The following MRTFA variants were observed in gnomAD, a reference collection of about 807,000 sequenced individuals.
MRTFA encodes the protein myocardin-related transcription factor A.
A neutral mutation model predicts 83.5 loss-of-function variants in MRTFA; 20 were observed. That is an observed-to-expected ratio of 0.24 (90% confidence interval 0.17 to 0.35). The LOEUF (loss-of-function observed/expected upper bound fraction) is 0.35, where lower values mean the gene tolerates loss of function less well. Among genes scored for constraint, MRTFA ranks in the 10% least tolerant of loss-of-function variants. The pLI, the probability that MRTFA is intolerant of heterozygous loss-of-function variation, is 1.00. For missense variants in MRTFA, 1,200 were observed against 1,224.7 expected, an observed-to-expected ratio of 0.98 and a Z score of 0.30; for synonymous variants, 659 against 541.2, an observed-to-expected ratio of 1.22 and a Z score of -3.02.
At chr22:40,429,134 T>C (rs1468534518) in intron 7 of MRTFA, among the ~76,000 whole-genome samples, 1 of 152,218 alleles carries the variant, frequency 6.6e-6, no homozygotes, top group Non-Finnish European at 1.5e-5. Flanking sequence ...TGGTCTGCCC[T>C]GTGGGGCTGT....
At chr22:40,587,163 C>T (rs762894431) in intron 2 of MRTFA, 1 of 459,314 alleles carries the variant, frequency 2.2e-6, no homozygotes, top group Non-Finnish European at 4.4e-6. Flanking sequence ...CTGTATTGAT[C>T]ATCTTGTGCA....
chr22:40,595,160 G>C (rs895069231), intron 1 of MRTFA, among the ~76,000 whole-genome samples: 3 of 131,434 alleles, frequency 2.3e-5, no homozygotes, highest in Admixed American at 9.1e-5. Flanking sequence ...TCGCTCTGTC[G>C]CCGGGCTGGA....
At chr22:40,445,928 T>C (rs530231324) in intron 4 of MRTFA, among the ~76,000 whole-genome samples, 11 of 152,374 alleles carry the variant, frequency 7.2e-5, no homozygotes, top group African/African-American at 2.4e-4. Flanking sequence ...CCTACCTTTT[T>C]CATTTTCATG....
chr22:40,578,072 G>C (rs1450211705), intron 2 of MRTFA, among the ~76,000 whole-genome samples: 2 of 151,924 alleles, frequency 1.3e-5, no homozygotes, highest in South Asian at 4.2e-4. Flanking sequence ...TCCTGCCTCA[G>C]CCTCCCAAGT....
At chr22:40,423,484 G>T in intron 9 of MRTFA, 52 bp downstream of exon 9, 1 of 1,391,048 alleles carries the variant, frequency 7.2e-7, no homozygotes, top group Non-Finnish European at 9.5e-7. Context: ...GTCACAGCAG[G>T]ACTCCAAAGG....
At chr22:40,506,648 A>T (rs2054585137) in intron 3 of MRTFA, among the ~76,000 whole-genome samples, 1 of 152,194 alleles carries the variant, frequency 6.6e-6, no homozygotes, top group Admixed American at 6.5e-5. Context: ...GCAAATAATA[A>T]TTCTCTAAAT....
At chr22:40,450,804 A>G (rs2053472983) in intron 4 of MRTFA, among the ~76,000 whole-genome samples, 1 of 152,208 alleles carries the variant, frequency 6.6e-6, no homozygotes, top group African/African-American at 2.4e-5. Flanking sequence ...TGGCGAAAGC[A>G]TAGCAGGCTG....
At chr22:40,631,338 T>C (rs1331651152) in intron 1 of MRTFA, among the ~76,000 whole-genome samples, 2 of 152,192 alleles carry the variant, frequency 1.3e-5, no homozygotes, top group Non-Finnish European at 2.9e-5. Flanking sequence ...ATAACCATGA[T>C]AATGACATGC....
intron 2 of MRTFA, among the ~76,000 whole-genome samples, chr22:40,577,023 G>A (rs2055876865): frequency 6.6e-6 from 1 of 152,090 alleles, no homozygotes; most frequent in African/African-American, 2.4e-5. Context: ...AGGAGTTTGA[G>A]ACCAGCCTGG....
chr22:40,584,458 C>T lies in MRTFA; in HGVS notation c.-22+10216G>A, dbSNP rs542911502. 3.3e-5 allele frequency among the ~76,000 whole-genome samples: 5 copies of T among 152,322 alleles called. No individual in the cohort carries two copies. The South Asian group carries it at 1.0e-3, about 32-fold the overall frequency. On this transcript the variant is annotated intron_variant, in intron 2 of 14. Transcript: ENST00000355630. Reference sequence around the variant, plus strand: ...GTCTTTCAAAATGCTAAGTCTCAGGCAGGCGTGGTGGCTTGCGCCTATAAT... The same window carrying T: ...GTCTTTCAAAATGCTAAGTCTCAGGTAGGCGTGGTGGCTTGCGCCTATAAT...
At chr22:40,590,388 GC>G (rs1379935047) in intron 2 of MRTFA, among the ~76,000 whole-genome samples, 2 of 152,126 alleles carry the variant, frequency 1.3e-5, no homozygotes, top group African/African-American at 4.8e-5. Flanking sequence ...CTCCAGTGTA[GC>G]CGGGCGCGGT....
At chr22:40,431,810 AAAAAT>A (rs1256834957) in intron 5 of MRTFA, among the ~76,000 whole-genome samples, 5 of 152,250 alleles carry the variant, frequency 3.3e-5, no homozygotes, top group Admixed American at 2.0e-4. Context: ...AACTAGAAAG[AAAAAT>A]AAAATAAAAT....
chr22:40,571,807 C>T (rs1197244427), intron 2 of MRTFA, among the ~76,000 whole-genome samples: 1 of 150,460 alleles, frequency 6.6e-6, no homozygotes. Flanking sequence ...GCCTGTAGTC[C>T]CAGCTACTCA....
chr22:40,456,389 A>G (rs1488700840), intron 4 of MRTFA, among the ~76,000 whole-genome samples: 1 of 152,118 alleles, frequency 6.6e-6, no homozygotes, highest in Non-Finnish European at 1.5e-5. Context: ...ATTGTTCAAT[A>G]AATAAAATTA....
chr22:40,592,484 T>A (rs2056136041), intron 2 of MRTFA, among the ~76,000 whole-genome samples: 2 of 151,176 alleles, frequency 1.3e-5, no homozygotes, highest in Non-Finnish European at 3.0e-5. Flanking sequence ...TGTGGACATT[T>A]TTTTTTTCTT....
intron 4 of MRTFA, among the ~76,000 whole-genome samples, chr22:40,452,035 G>T (rs1350197534): frequency 7.3e-6 from 1 of 136,366 alleles, no homozygotes; most frequent in Non-Finnish European, 1.5e-5. Flanking sequence ...CAAGGCTGGA[G>T]TGCAGTGGTG....
chr22:40,575,476 A>G (rs1276810899), intron 2 of MRTFA, among the ~76,000 whole-genome samples: 1 of 152,238 alleles, frequency 6.6e-6, no homozygotes, highest in Admixed American at 6.5e-5. Flanking sequence ...AATGAGTCAA[A>G]TATTTAAAAA....
At chr22:40,598,864 G>A (rs1305429645) in intron 1 of MRTFA, among the ~76,000 whole-genome samples, 8 of 151,552 alleles carry the variant, frequency 5.3e-5, no homozygotes, top group African/African-American at 1.2e-4. Flanking sequence ...GGCAGTGCAC[G>A]CCTATAATCC....
chr22:40,418,037 C>A (rs2052724414), intron 12 of MRTFA, among the ~76,000 whole-genome samples: 1 of 152,102 alleles, frequency 6.6e-6, no homozygotes, highest in Non-Finnish European at 1.5e-5. Flanking sequence ...GGGCAGGCTA[C>A]CTCTGACCTT....
Sources: gnomAD v4.1 joint callset for allele counts (sites outside exome capture counted in the v4.1 genomes callset) on GRCh38, gnomAD v4.1.1 for gene constraint, MANE v1.5 for transcripts, NCBI Gene and HGNC (gene_info 2026-07-23, HGNC 2026-07-21) for gene names.